Variants in GPR158 observed in about 807,000 individuals in gnomAD.
GPR158 encodes metabotropic glycine receptor.
A neutral mutation model predicts 78.2 loss-of-function variants in GPR158; 30 were observed. The ratio of observed to expected loss-of-function variants is 0.38; its 90% CI spans 0.29 to 0.52. The LOEUF (loss-of-function observed/expected upper bound fraction) is 0.52. GPR158 is among the 20% of genes least tolerant of loss of function. The pLI, the probability that GPR158 is intolerant of heterozygous loss-of-function variation, is 0.83. For synonymous variants in GPR158, 581 were observed against 591.1 expected (o/e 0.98, Z 0.25); for missense variants, 1,463 against 1,523.5 (o/e 0.96, Z 0.66).
chr10:25,477,219 G>A (rs7909288), intron 5 of GPR158, among the ~76,000 whole-genome samples: 1,952 of 152,244 alleles, frequency 0.013, 48 homozygotes, highest in African/African-American at 0.044. Flanking sequence ...CAGCTTAAAG[G>A]AAGGGATATA....
In GPR158 at chr10:25,360,492, A is replaced by G. The variant is rs369724002; in HGVS notation, c.1009-35419A>G. Among the ~76,000 whole-genome samples, 14 of 152,216 alleles carry G rather than the reference A, an allele frequency of 9.2e-5. No individual in the cohort carries two copies. The South Asian group carries it at 2.5e-3, about 27-fold the overall frequency. ...ATGGCTAGCCAGTTTTCCCAACACC[A>G]TTTATTAAATAGGGAATCCTTTCCC... On this transcript the variant is annotated intron_variant, in intron 2 of 10. Transcript: ENST00000376351.
chr10:25,495,162 T>C (rs1835862405), intron 5 of GPR158, among the ~76,000 whole-genome samples: 1 of 152,018 alleles, frequency 6.6e-6, no homozygotes, highest in South Asian at 2.1e-4. Context: ...TTTTTTTTTT[T>C]TTAGATATAT....
At chr10:25,377,649 G>A (rs1389042156) in intron 2 of GPR158, among the ~76,000 whole-genome samples, 1 of 151,976 alleles carries the variant, frequency 6.6e-6, no homozygotes, top group African/African-American at 2.4e-5. Flanking sequence ...TTTTGTGACT[G>A]ACTGCTTTCA....
Position 25,524,306 on chromosome 10 carries a change from GACAC to G in GPR158, c.1405-26669_1405-26666del, listed in dbSNP as rs1564479509. Among the ~76,000 whole-genome samples the G allele has an allele frequency of 2.0e-5, 3 of 152,208 alleles. No homozygotes were observed. The South Asian group carries it at 6.2e-4, about 32-fold the overall frequency. ...CCAAGCTCGTTCTAAAATGTATATG[GACAC>G]GCAAGGGGCCCAGAATATCTAAAAT... On this transcript the variant is annotated intron_variant, in intron 5 of 10. Transcript: ENST00000376351.
At chr10:25,467,476 T>C (rs1176105945) in intron 5 of GPR158, among the ~76,000 whole-genome samples, 1 of 152,202 alleles carries the variant, frequency 6.6e-6, no homozygotes, top group Non-Finnish European at 1.5e-5. Context: ...TTTCAAAATA[T>C]GGCACAGAAA....
chr10:25,209,445 TCTTTA>T (rs139967719), intron 1 of GPR158, among the ~76,000 whole-genome samples: 21,371 of 151,804 alleles, frequency 0.14, 1,851 homozygotes, highest in East Asian at 0.29. Flanking sequence ...GTAAATTGTA[TCTTTA>T]CTTCTGTTTT....
intron 4 of GPR158, among the ~76,000 whole-genome samples, chr10:25,427,468 G>A (rs1834840654): frequency 6.6e-6 from 1 of 151,916 alleles, no homozygotes; most frequent in African/African-American, 2.4e-5. Context: ...GTCACTGGTT[G>A]GACCATAATA....
chr10:25,341,774 C>G (rs1855305792), intron 2 of GPR158, among the ~76,000 whole-genome samples: 1 of 151,688 alleles, frequency 6.6e-6, no homozygotes, highest in Admixed American at 6.6e-5. Flanking sequence ...CTTAAAAGGT[C>G]TGTGCCAATC....
chr10:25,541,599 C>CAA (rs35714132), intron 5 of GPR158, among the ~76,000 whole-genome samples: 64 of 135,736 alleles, frequency 4.7e-4, no homozygotes, highest in Middle Eastern at 3.7e-3. Flanking sequence ...AATTCAGTTT[C>CAA]AAAAAAAAAA....
intron 2 of GPR158, among the ~76,000 whole-genome samples, chr10:25,246,166 T>A (rs1853686435): frequency 6.6e-6 from 1 of 152,334 alleles, no homozygotes; most frequent in South Asian, 2.1e-4. Context: ...GAAAAGCTCA[T>A]TTACAGTGAT....
At chr10:25,429,057 A>G (rs1363702324) in intron 4 of GPR158, among the ~76,000 whole-genome samples, 1 of 152,032 alleles carries the variant, frequency 6.6e-6, no homozygotes, top group East Asian at 1.9e-4. Flanking sequence ...CACCTGAAGA[A>G]TTATATTAAC....
intron 4 of GPR158, among the ~76,000 whole-genome samples, chr10:25,439,693 T>C (rs1378607935): frequency 1.3e-5 from 2 of 152,214 alleles, no homozygotes; most frequent in African/African-American, 4.8e-5. Flanking sequence ...GATGCAGAGC[T>C]AATTTATACC....
chr10:25,296,064 A>AG lies in GPR158; in HGVS notation c.1008+74907_1008+74908insG, dbSNP rs1854509013. Among the ~76,000 whole-genome samples, 7 of 151,864 alleles carry AG rather than the reference A, an allele frequency of 4.6e-5. No individual in the cohort carries two copies. In the South Asian group the frequency reaches 1.5e-3, roughly 32 times the overall value. ...GCAGGGGCAGGGAGGAAAAAAAAAA[A>AG]AAAAACCTAAGCAAGGATGTCAGCT... On this transcript the variant is annotated intron_variant, in intron 2 of 10. Transcript: ENST00000376351.
chr10:25,253,171 C>T (rs1853836913), intron 2 of GPR158, among the ~76,000 whole-genome samples: 2 of 152,234 alleles, frequency 1.3e-5, no homozygotes, highest in Admixed American at 6.5e-5. Context: ...CCTGCTTCGG[C>T]TCGCGCACCG....
intron 2 of GPR158, among the ~76,000 whole-genome samples, chr10:25,287,735 T>C (rs1011085834): frequency 3.3e-5 from 5 of 152,082 alleles, no homozygotes; most frequent in Admixed American, 2.6e-4. Context: ...GGGTTAGAGG[T>C]TGTTGCTCTA....
intron 2 of GPR158, among the ~76,000 whole-genome samples, chr10:25,389,200 G>A (rs1481496629): frequency 6.6e-6 from 1 of 152,132 alleles, no homozygotes; most frequent in Middle Eastern, 3.2e-3. Context: ...CCTGTCCATG[G>A]CCACCCATGG....
chr10:25,225,482 G>C (rs1853361028), intron 2 of GPR158, among the ~76,000 whole-genome samples: 1 of 152,124 alleles, frequency 6.6e-6, no homozygotes, highest in Non-Finnish European at 1.5e-5. Context: ...GATGTCTCAA[G>C]TGCATTCTCA....
At chr10:25,551,121 A>G (rs1215723331) in intron 6 of GPR158, 36 bp downstream of exon 6, 1 of 1,149,946 alleles carries the variant, frequency 8.7e-7, no homozygotes, top group Admixed American at 1.7e-5. Context: ...TCTCATGGAA[A>G]GATCAAACTA....
intron 4 of GPR158, among the ~76,000 whole-genome samples, chr10:25,419,796 T>C (rs1255439047): frequency 6.6e-6 from 1 of 152,228 alleles, no homozygotes; most frequent in African/African-American, 2.4e-5. Flanking sequence ...ATGAGCCATT[T>C]ATATATCTTC....
Sources: gnomAD v4.1 joint callset for allele counts (sites outside exome capture counted in the v4.1 genomes callset) on GRCh38, gnomAD v4.1.1 for gene constraint, MANE v1.5 for transcripts, NCBI Gene and HGNC (gene_info 2026-07-23, HGNC 2026-07-21) for gene names.